The following ZNG1E variants were observed in gnomAD, a reference collection of about 807,000 sequenced individuals.
ZNG1E encodes Zn regulated GTPase metalloprotein activator 1E, also known as zinc-regulated GTPase metalloprotein activator 1E.
the ZNG1E span, among the ~76,000 whole-genome samples, chr9:65,676,623 G>T: frequency 6.6e-6 from 1 of 151,566 alleles, no homozygotes; most frequent in Non-Finnish European, 1.5e-5. Flanking sequence ...GGCAGGAAGT[G>T]CTCCTATCTT....
chr9:65,660,849 AT>A, the ZNG1E span, among the ~76,000 whole-genome samples: 14,401 of 131,930 alleles, frequency 0.11, 7 homozygotes, highest in Non-Finnish European at 0.13. Flanking sequence ...ATATATATAT[AT>A]ATATAAAATA....
At chr9:65,715,573 C>A in the ZNG1E span, among the ~76,000 whole-genome samples, 1 of 136,828 alleles carries the variant, frequency 7.3e-6, no homozygotes, top group African/African-American at 2.9e-5. Context: ...GAGATCTACC[C>A]TCTTAACAAT....
the ZNG1E span, among the ~76,000 whole-genome samples, chr9:65,699,229 TA>T: frequency 1.4e-5 from 2 of 147,934 alleles, no homozygotes; most frequent in South Asian, 4.2e-4. Context: ...TGGCTGAACT[TA>T]AGTATTTTTG....
At chr9:65,672,171 CA>C in the ZNG1E span, among the ~76,000 whole-genome samples, 2 of 149,092 alleles carry the variant, frequency 1.3e-5, no homozygotes, top group Non-Finnish European at 3.0e-5. Flanking sequence ...AATGGGCACA[CA>C]AATAGTATTT....
chr9:65,691,371 C>T, the ZNG1E span, among the ~76,000 whole-genome samples: 1 of 151,364 alleles, frequency 6.6e-6, no homozygotes, highest in Non-Finnish European at 1.5e-5. Context: ...GCTGAGCCAC[C>T]ACACCCTGCC....
chr9:65,678,608 C>CT, the ZNG1E span, among the ~76,000 whole-genome samples: 1 of 143,126 alleles, frequency 7.0e-6, no homozygotes, highest in African/African-American at 2.7e-5. Flanking sequence ...TTAGGATTTT[C>CT]TTTTTTTCCT....
At chr9:65,715,119 C>A in the ZNG1E span, among the ~76,000 whole-genome samples, 18 of 118,588 alleles carry the variant, frequency 1.5e-4, 1 homozygote, top group African/African-American at 6.0e-4. Context: ...TTTTCAAGCC[C>A]GTCGGAAAAG....
chr9:65,699,004 A>C, the ZNG1E span, among the ~76,000 whole-genome samples: 1 of 146,142 alleles, frequency 6.8e-6, no homozygotes, highest in African/African-American at 2.5e-5. Flanking sequence ...CTCCTGCCTC[A>C]GCCTCCCAAG....
the ZNG1E span, among the ~76,000 whole-genome samples, chr9:65,674,364 A>G: frequency 6.6e-6 from 1 of 152,300 alleles, no homozygotes; most frequent in African/African-American, 2.4e-5. Flanking sequence ...GAATACACAC[A>G]GTATATTTTA....
chr9:65,694,226 T>A, the ZNG1E span, among the ~76,000 whole-genome samples: 8 of 150,798 alleles, frequency 5.3e-5, no homozygotes, highest in African/African-American at 2.0e-4. Context: ...CATGTTTGAA[T>A]CTACCTCTTC....
At chr9:65,727,264 C>G in the ZNG1E span, among the ~76,000 whole-genome samples, 204 of 146,630 alleles carry the variant, frequency 1.4e-3, no homozygotes, top group African/African-American at 5.2e-3. Context: ...GGAAACATAT[C>G]AAAACAGAAC....
chr9:65,672,585 A>G, the ZNG1E span, among the ~76,000 whole-genome samples: 1 of 151,812 alleles, frequency 6.6e-6, no homozygotes, highest in African/African-American at 2.4e-5. Context: ...CTCTACTAAA[A>G]ATACAAAAAT....
chr9:65,721,074 G>C, the ZNG1E span, among the ~76,000 whole-genome samples: 2 of 149,364 alleles, frequency 1.3e-5, no homozygotes, highest in South Asian at 2.1e-4. Flanking sequence ...GTGATGCCAA[G>C]AATCATAGGG....
chr9:65,660,932 A>T, the ZNG1E span, among the ~76,000 whole-genome samples: 1 of 146,114 alleles, frequency 6.8e-6, no homozygotes, highest in African/African-American at 2.6e-5. Flanking sequence ...GCTTACAAGA[A>T]TGAAGCAGTT....
the ZNG1E span, chr9:65,682,276 T>TCAA: frequency 6.6e-6 from 1 of 151,540 alleles, no homozygotes; most frequent in Admixed American, 6.6e-5. Flanking sequence ...ATAACAGACT[T>TCAA]TCTTGAACAA....
At chr9:65,721,133 G>A in the ZNG1E span, among the ~76,000 whole-genome samples, 6 of 146,788 alleles carry the variant, frequency 4.1e-5, no homozygotes, top group East Asian at 1.2e-3. Context: ...AACATTTGGA[G>A]CAGCCAGTGT....
chr9:65,658,309 T>C, the ZNG1E span, among the ~76,000 whole-genome samples: 1 of 151,822 alleles, frequency 6.6e-6, no homozygotes, highest in African/African-American at 2.4e-5. Context: ...CTTGGAAATT[T>C]GAACAATAAA....
At chr9:65,658,320 T>C in the ZNG1E span, among the ~76,000 whole-genome samples, 3 of 151,694 alleles carry the variant, frequency 2.0e-5, no homozygotes, top group Admixed American at 6.6e-5. Context: ...GAACAATAAA[T>C]AATAGTAGAA....
At chr9:65,658,230 T>C in the ZNG1E span, among the ~76,000 whole-genome samples, 791 of 150,670 alleles carry the variant, frequency 5.2e-3, no homozygotes, top group African/African-American at 0.019. Context: ...AGAGGAGATA[T>C]TGTATTGCAC....
Sources: allele counts gnomAD v4.1 joint callset (sites outside exome capture counted in the v4.1 genomes callset), GRCh38; gene constraint gnomAD v4.1.1; transcripts MANE v1.5; gene names NCBI Gene and HGNC (gene_info 2026-07-23, HGNC 2026-07-21).